Variants in KCNIP4 observed in about 807,000 individuals in gnomAD.
The protein encoded by KCNIP4 is potassium voltage-gated channel interacting protein 4.
In KCNIP4, 12 loss-of-function variants were observed where a neutral mutation model predicts 34.0. The observed-to-expected ratio is 0.35, with a 90% CI of 0.23 to 0.57. The LOEUF is 0.57. KCNIP4 is among the 20% of genes least tolerant of loss of function. The pLI is 0.83. For missense variants in KCNIP4, 238 were observed against 311.7 expected (o/e 0.76, Z 1.78); for synonymous variants, 124 against 102.2 (o/e 1.21, Z -1.29).
At chr4:20,977,583 A>C (rs1434629261) in intron 1 of KCNIP4, among the ~76,000 whole-genome samples, 2 of 152,160 alleles carry the variant, frequency 1.3e-5, no homozygotes, top group African/African-American at 2.4e-5. Context: ...GTAAGTAAAA[A>C]TAATTAGAAC....
At chr4:21,342,920 A>G (rs1716905130) in intron 1 of KCNIP4, among the ~76,000 whole-genome samples, 1 of 152,132 alleles carries the variant, frequency 6.6e-6, no homozygotes, top group Non-Finnish European at 1.5e-5. Context: ...ATTTAAGCCT[A>G]GAGCTAAGGA....
chr4:21,837,532 C>CAAAAAAAAAAAAAAA (rs60449238), intron 1 of KCNIP4, among the ~76,000 whole-genome samples: 9 of 78,494 alleles, frequency 1.1e-4, no homozygotes, highest in East Asian at 5.1e-4. Flanking sequence ...AAAACGCTGT[C>CAAAAAAAAAAAAAAA]AAAAAAAAAA....
chr4:20,889,552 G>T (rs534648196), intron 1 of KCNIP4, among the ~76,000 whole-genome samples: 1 of 151,972 alleles, frequency 6.6e-6, no homozygotes, highest in Non-Finnish European at 1.5e-5. Context: ...AGTGGAAGTC[G>T]TAAGACTTTT....
intron 1 of KCNIP4, among the ~76,000 whole-genome samples, chr4:21,279,611 A>G (rs1011148914): frequency 2.9e-4 from 44 of 151,542 alleles, no homozygotes; most frequent in African/African-American, 1.0e-3. Flanking sequence ...ATAATTTAAT[A>G]TCAATTAAAT....
chr4:20,897,654 A>G (rs1726702667), intron 1 of KCNIP4, among the ~76,000 whole-genome samples: 1 of 152,144 alleles, frequency 6.6e-6, no homozygotes, highest in Non-Finnish European at 1.5e-5. Flanking sequence ...GGTGTCCTTA[A>G]AAGAGAAAGA....
chr4:21,465,937 G>C (rs1729890051), intron 1 of KCNIP4, among the ~76,000 whole-genome samples: 1 of 152,134 alleles, frequency 6.6e-6, no homozygotes, highest in Non-Finnish European at 1.5e-5. Context: ...CTCTTCCCTG[G>C]AGCAAGAACA....
rs116112177 is a variant in KCNIP4, at chr4:21,888,342, T to C, written c.61+60229A>G. Among the ~76,000 whole-genome samples the C allele has an allele frequency of 6.4e-3, 969 of 152,214 alleles. 14 individuals are homozygous for C. The highest frequency in any genetic ancestry group is 0.022 in the African/African-American group (914 of 41,538). ...GTCCTCTGTGGAACATTATGCAAAGTGTGTTGGATAATGTTTATCTTTTAA... is the reference window on the plus strand; with the variant it reads ...GTCCTCTGTGGAACATTATGCAAAGCGTGTTGGATAATGTTTATCTTTTAA... On this transcript the variant is annotated intron_variant, in intron 1 of 8. Transcript: ENST00000382152.
At chr4:21,657,639 G>A (rs923720757) in intron 1 of KCNIP4, among the ~76,000 whole-genome samples, 1 of 152,174 alleles carries the variant, frequency 6.6e-6, no homozygotes, top group Admixed American at 6.5e-5. Context: ...GCACTGATCT[G>A]TTGGACTTAT....
intron 1 of KCNIP4, among the ~76,000 whole-genome samples, chr4:20,934,745 C>T (rs974960841): frequency 2.6e-5 from 4 of 152,096 alleles, no homozygotes; most frequent in African/African-American, 9.7e-5. Flanking sequence ...GCTCTAAGTG[C>T]TATGTAGAAA....
intron 1 of KCNIP4, among the ~76,000 whole-genome samples, chr4:21,213,474 G>A (rs1338140459): frequency 2.6e-5 from 4 of 151,778 alleles, no homozygotes; most frequent in Non-Finnish European, 2.9e-5. Context: ...GCTAATTTTT[G>A]TATTTTTAGT....
chr4:20,732,429 A>G (rs1748540824), intron 7 of KCNIP4, among the ~76,000 whole-genome samples: 1 of 152,236 alleles, frequency 6.6e-6, no homozygotes, highest in Admixed American at 6.5e-5. Flanking sequence ...TAAAAACTGA[A>G]TGAAAACAAA....
intron 1 of KCNIP4, among the ~76,000 whole-genome samples, chr4:21,640,910 A>T (rs1397119405): frequency 6.6e-6 from 1 of 152,158 alleles, no homozygotes; most frequent in Non-Finnish European, 1.5e-5. Context: ...ATACAGGACA[A>T]CCATAGTGCA....
rs185427565 is a variant in KCNIP4, at chr4:21,446,190, T to C, written c.61+502381A>G. Among the ~76,000 whole-genome samples, 1,450 of 152,210 alleles carry C rather than the reference T, an allele frequency of 9.5e-3. 45 individuals are homozygous for C. The highest frequency in any genetic ancestry group is 0.073 in the Admixed American group (1,120 of 15,292). ...TGCTGTTGGTGGGACTGTAAACTAG[T>C]TCAACAATTGTGGAAGTCAGTGTGG... On this transcript the variant is annotated intron_variant, in intron 1 of 8. Coordinates refer to ENST00000382152, the MANE Select transcript of KCNIP4 (RefSeq NM_025221.6).
At chr4:21,404,930 C>G (rs1723843930) in intron 1 of KCNIP4, among the ~76,000 whole-genome samples, 1 of 152,166 alleles carries the variant, frequency 6.6e-6, no homozygotes. Context: ...AAACTTTAGT[C>G]AGGCTTTTGA....
intron 1 of KCNIP4, among the ~76,000 whole-genome samples, chr4:21,218,276 A>G (rs886924226): frequency 1.3e-5 from 2 of 152,006 alleles, no homozygotes; most frequent in Non-Finnish European, 1.5e-5. Flanking sequence ...CGGCCTTCCA[A>G]AGTGCTGGGA....
At chr4:21,329,332 A>G (rs1039667274) in intron 1 of KCNIP4, among the ~76,000 whole-genome samples, 1 of 152,238 alleles carries the variant, frequency 6.6e-6, no homozygotes, top group Non-Finnish European at 1.5e-5. Context: ...TTATGACTGT[A>G]CTGGCAGGCA....
At chr4:21,866,954 G>T (rs1406165979) in intron 1 of KCNIP4, among the ~76,000 whole-genome samples, 2 of 151,748 alleles carry the variant, frequency 1.3e-5, no homozygotes, top group East Asian at 3.9e-4. Flanking sequence ...TGTATTTTTA[G>T]TAGAGACAGG....
In KCNIP4 at chr4:21,385,983, T is replaced by A. The variant is rs1339496323; in HGVS notation, c.62-503274A>T. ...GGGACAAACCATGGGAACTTGATGATCTAACGGTCATCAATCAAGGAAAAA... is the reference window on the plus strand; with the variant it reads ...GGGACAAACCATGGGAACTTGATGAACTAACGGTCATCAATCAAGGAAAAA... On this transcript the variant is annotated intron_variant, in intron 1 of 8. Coordinates refer to ENST00000382152, the MANE Select transcript of KCNIP4 (RefSeq NM_025221.6). Among the ~76,000 whole-genome samples, 5 of 152,290 alleles carry A rather than the reference T, an allele frequency of 3.3e-5. No individual in the cohort carries two copies. The East Asian group carries it at 9.7e-4, about 29-fold the overall frequency.
At chr4:21,603,014 C>T (rs115669312) in intron 1 of KCNIP4, among the ~76,000 whole-genome samples, 1,605 of 152,134 alleles carry the variant, frequency 0.011, 39 homozygotes, top group South Asian at 0.048. Flanking sequence ...TTGATTATTC[C>T]TTTTTGGCAG....
Sources: gnomAD v4.1 joint callset for allele counts (sites outside exome capture counted in the v4.1 genomes callset) on GRCh38, gnomAD v4.1.1 for gene constraint, MANE v1.5 for transcripts, NCBI Gene and HGNC (gene_info 2026-07-23, HGNC 2026-07-21) for gene names.